LRBA: variants seen among roughly 807,000 people sequenced by gnomAD.
The protein encoded by LRBA is LPS responsive beige-like anchor protein.
In LRBA, 176 loss-of-function variants were observed where a neutral mutation model predicts 330.0. That is an observed-to-expected ratio of 0.53 (90% CI 0.47 to 0.60). LRBA has a LOEUF of 0.60. Ranked by LOEUF, LRBA falls within the 20% of genes least tolerant of loss-of-function variation. The pLI is 0.00. For missense variants in LRBA, 3,259 were observed against 3,444.8 expected (o/e 0.95, Z 1.35); for synonymous variants, 1,230 against 1,193.0 (o/e 1.03, Z -0.64).
chr4:150,969,731 A>G (rs1357065845), intron 2 of LRBA, among the ~76,000 whole-genome samples: 2 of 152,154 alleles, frequency 1.3e-5, no homozygotes, highest in Non-Finnish European at 2.9e-5. Flanking sequence ...CAGCCTCCCA[A>G]AGTGCTGAGA....
intron 2 of LRBA, among the ~76,000 whole-genome samples, chr4:150,951,826 C>A (rs1450084775): frequency 6.6e-6 from 1 of 152,060 alleles, no homozygotes; most frequent in Admixed American, 6.5e-5. Context: ...TATTATATTC[C>A]AATTAGACGT....
chr4:150,494,586 AAT>A (rs1422805296), intron 40 of LRBA, among the ~76,000 whole-genome samples: 2 of 152,264 alleles, frequency 1.3e-5, no homozygotes, highest in Non-Finnish European at 2.9e-5. Flanking sequence ...TTTCTGATTA[AAT>A]AAAATATACC....
intron 40 of LRBA, among the ~76,000 whole-genome samples, chr4:150,563,846 C>G (rs2152274168): frequency 1.3e-5 from 2 of 152,200 alleles, no homozygotes; most frequent in South Asian, 4.1e-4. Flanking sequence ...AGAACCTCCT[C>G]AAGGAGAAGT....
At chr4:150,338,464 G>A (rs1735035976) in intron 48 of LRBA, among the ~76,000 whole-genome samples, 1 of 152,082 alleles carries the variant, frequency 6.6e-6, no homozygotes, top group South Asian at 2.1e-4. Context: ...TCATATTAAG[G>A]TTGTCTGACA....
At chr4:150,297,998 C>T (rs974804197) in intron 53 of LRBA, among the ~76,000 whole-genome samples, 6 of 152,096 alleles carry the variant, frequency 3.9e-5, no homozygotes, top group African/African-American at 1.4e-4. Context: ...CAAAGTACAC[C>T]TGTCTTAACC....
intron 28 of LRBA, among the ~76,000 whole-genome samples, chr4:150,837,343 G>A (rs552613191): frequency 9.2e-5 from 14 of 152,206 alleles, no homozygotes; most frequent in African/African-American, 2.9e-4. Flanking sequence ...CAATTCCTGG[G>A]TATCCTTGTT....
chr4:150,594,269 G>C (rs1773227471), intron 38 of LRBA, among the ~76,000 whole-genome samples: 1 of 151,598 alleles, frequency 6.6e-6, no homozygotes. Flanking sequence ...ACATGCGCTG[G>C]TGTTCAATTC....
chr4:150,971,017 A>G (rs1739524725), intron 2 of LRBA, among the ~76,000 whole-genome samples: 2 of 152,186 alleles, frequency 1.3e-5, no homozygotes, highest in African/African-American at 4.8e-5. Context: ...GAGTCAAACC[A>G]AAAGTCTACC....
chr4:150,962,584 G>C (rs1738267336), intron 2 of LRBA, among the ~76,000 whole-genome samples: 1 of 149,024 alleles, frequency 6.7e-6, no homozygotes, highest in Non-Finnish European at 1.5e-5. Context: ...TTCTGAGTAA[G>C]AAAAGCCTTT....
chr4:150,628,966 T>C (rs1332500805), intron 37 of LRBA, among the ~76,000 whole-genome samples: 1 of 152,212 alleles, frequency 6.6e-6, no homozygotes, highest in Non-Finnish European at 1.5e-5. Flanking sequence ...GGCTTGATGA[T>C]AGCTCAGTGT....
chr4:150,828,570 G>A lies in LRBA; in HGVS notation c.4781C>T (p.Ser1594Phe), dbSNP rs1369035572. 1 of 1,614,094 alleles carries A rather than the reference G, an allele frequency of 6.2e-7. No individual in the cohort carries two copies. The highest frequency in any genetic ancestry group is 1.7e-5 in the Admixed American group (1 of 60,000). Residue 1594 changes from serine to phenylalanine, a missense_variant, in exon 30 of 57, where the codon TCT becomes TTT. Transcript: ENST00000651943. ...CCTTCGAGCAGATGATGTGCTTTCA[G>A]ATTCTTCCACTGATGCCGTAGTTAA... is the stretch of plus-strand genomic sequence containing the variant. ...STLTTASVEE[S>F]ESTSSARRRD...
chr4:150,651,791 GGT>G (rs1779730768), intron 37 of LRBA, among the ~76,000 whole-genome samples: 1 of 152,146 alleles, frequency 6.6e-6, no homozygotes, highest in African/African-American at 2.4e-5. Flanking sequence ...TGCTACAAAT[GGT>G]GTGAGTCATG....
Position 150,325,969 on chromosome 4 carries a change from C to T in LRBA, c.7363-71G>A, listed in dbSNP as rs144320158. 5,464 of 821,734 alleles carry T rather than the reference C, an allele frequency of 6.6e-3. 34 individuals carry two copies. The highest frequency in any genetic ancestry group is 9.1e-3 in the Non-Finnish European group (4,334 of 477,394). The allele number at this position is 821,734 out of a possible 1,614,324, so 50.9% of individuals were successfully genotyped here. ...CAGGAAATAGAACCCCAACTGTCAC[C>T]TGAAAATATCATTCCATACTCTGGC... is the stretch of plus-strand genomic sequence containing the variant. On this transcript the variant is annotated intron_variant, in intron 48 of 56. Coordinates refer to ENST00000651943, the MANE Select transcript of LRBA (RefSeq NM_001364905.1).
intron 37 of LRBA, among the ~76,000 whole-genome samples, chr4:150,639,779 ATATGTGTG>A (rs1778377144): frequency 5.7e-4 from 2 of 3,538 alleles, no homozygotes; most frequent in African/African-American, 1.9e-3. Context: ...ATATATATAT[ATATGTGTG>A]TGTGTATATA....
At chr4:150,539,216 C>T (rs1252458783) in intron 40 of LRBA, among the ~76,000 whole-genome samples, 3 of 152,072 alleles carry the variant, frequency 2.0e-5, no homozygotes, top group South Asian at 4.2e-4. Flanking sequence ...CGTCGTGATC[C>T]GCCCGCTGCG....
At chr4:150,876,332 T>C (rs1401301491) in intron 17 of LRBA, among the ~76,000 whole-genome samples, 4 of 152,136 alleles carry the variant, frequency 2.6e-5, no homozygotes, top group Non-Finnish European at 4.4e-5. Flanking sequence ...TTGCTAGAGA[T>C]ATAGACATCC....
rs142435281 is a variant in LRBA at position 150,873,968 on chromosome 4, C to A, written c.2166-1213G>T. Among the ~76,000 whole-genome samples, 6 of 152,244 alleles carry A rather than the reference C, an allele frequency of 3.9e-5. No homozygotes were observed. The East Asian group carries it at 1.2e-3, about 29-fold the overall frequency. ...TTTAATTCAAATCTTAGTACAAAAA[C>A]TTAACAGTCAATCATTAGGAAAATA... On this transcript the variant is annotated intron_variant, in intron 17 of 56. Coordinates refer to ENST00000651943, the MANE Select transcript of LRBA (RefSeq NM_001364905.1).
Position 150,425,744 on chromosome 4 carries a change from G to T in LRBA, c.7041+9845C>A, listed in dbSNP as rs544660921. ...CAACTACTAATCTATCAACCAAAAA[G>T]AAACAAGATAATCAAAATAGAAATA... is the stretch of plus-strand genomic sequence containing the variant. On this transcript the variant is annotated intron_variant, in intron 46 of 56. Transcript: ENST00000651943. Among the ~76,000 whole-genome samples the T allele has an allele frequency of 2.6e-5, 4 of 152,040 alleles. No individual in the cohort carries two copies. The East Asian group carries it at 7.7e-4, about 29-fold the overall frequency.
intron 51 of LRBA, chr4:150,311,327 C>T (rs1731027147): frequency 6.6e-6 from 1 of 152,072 alleles, no homozygotes; most frequent in African/African-American, 2.4e-5. Context: ...TTGATTGTAC[C>T]AGAAATCAGA....
Sources: gnomAD v4.1 joint callset for allele counts (sites outside exome capture counted in the v4.1 genomes callset) on GRCh38, gnomAD v4.1.1 for gene constraint, MANE v1.5 for transcripts, NCBI Gene and HGNC (gene_info 2026-07-23, HGNC 2026-07-21) for gene names.